The following KIF1A variants were observed in gnomAD, a reference collection of about 807,000 sequenced individuals.
The protein encoded by KIF1A is kinesin-like protein KIF1A.
A neutral mutation model predicts 227.3 loss-of-function variants in KIF1A; 46 were observed. That is an observed-to-expected ratio of 0.20 (90% CI 0.16 to 0.26). The LOEUF (loss-of-function observed/expected upper bound fraction) is 0.26, where lower values mean the gene tolerates loss of function less well. Among genes scored for constraint, KIF1A ranks in the 10% least tolerant of loss-of-function variants. KIF1A has a pLI of 1.00. For synonymous variants in KIF1A, 1,022 were observed against 1,012.8 expected (o/e 1.01, Z -0.17); for missense variants, 1,683 against 2,485.9 (o/e 0.68, Z 6.87).
chr2:240,772,620 G>C, intron 13 of KIF1A, 24 bp from the exon 14 acceptor site: 1 of 1,523,084 alleles, frequency 6.6e-7, no homozygotes, highest in African/African-American at 1.4e-5. Context: ...AAGCGTGGGG[G>C]AGGGGGAGAG....
chr2:240,718,684 G>A (rs182054187), intron 47 of KIF1A, among the ~76,000 whole-genome samples: 2 of 152,346 alleles, frequency 1.3e-5, no homozygotes, highest in East Asian at 3.9e-4. Context: ...TGCAGGGCTG[G>A]TGCCACCCAC....
In KIF1A at chr2:240,717,192, G is replaced by A; in HGVS notation, c.*172C>T. 1 of 589,830 alleles carries A rather than the reference G, an allele frequency of 1.7e-6. No homozygotes were observed. The highest frequency in any genetic ancestry group is 3.0e-6 in the Non-Finnish European group (1 of 331,302). 36.5% of individuals were successfully genotyped at this position (589,830 alleles called of 1,614,324 possible). ...CTGACACGCACAGCCTCTGCTGGGA[G>A]CACAGCTGGTCGTGTGGCACAGGTC... On this transcript the variant is annotated 3_prime_UTR_variant, in exon 49 of 49. Coordinates refer to ENST00000498729, the MANE Select transcript of KIF1A (RefSeq NM_001244008.2).
At position 240,741,347 on chromosome 2, in the gene KIF1A, C is replaced by T. The variant is rs375993206; in HGVS notation, c.3671G>A (p.Arg1224Gln). The T allele has an allele frequency of 7.6e-5, 120 of 1,588,090 alleles. No homozygotes were observed. Among genetic ancestry groups the T allele is most frequent in the African/African-American group, 2.4e-4 (18 of 74,600 alleles). The change falls in exon 35 of 49, where the codon CGG becomes CAG. Residue 1224 changes from arginine (R) to glutamine (Q), a missense_variant. Coordinates refer to ENST00000498729, the MANE Select transcript of KIF1A (RefSeq NM_001244008.2). ...VPATKLSTLT[R>Q]PCPGPCHCKY... Reference sequence around the variant, plus strand: ...GCAGTGGCAGGGTCCCGGACAGGGCCGCGTCAGTGTGCTGAGCTTGGTGGC... The same window carrying T: ...GCAGTGGCAGGGTCCCGGACAGGGCTGCGTCAGTGTGCTGAGCTTGGTGGC...
In KIF1A at chr2:240,717,279, A is replaced by G; in HGVS notation, c.*85T>C. 2 of 1,334,824 alleles carry G rather than the reference A, an allele frequency of 1.5e-6. No homozygotes were observed. Among genetic ancestry groups the G allele is most frequent in the Non-Finnish European group, 1.1e-6 (1 of 942,182 alleles). 82.7% of individuals were successfully genotyped at this position (1,334,824 alleles called of 1,614,324 possible). A position where few individuals can be genotyped will look rare whatever the true frequency, so the allele number is the denominator to read the frequency against. On this transcript the variant is annotated 3_prime_UTR_variant, in exon 49 of 49. Transcript: ENST00000498729. ...CCGGTCGTGGGCTGTCTGGCAGGAG[A>G]GGGGCTGGGCGGCAGGTGACAGGAC... is the stretch of plus-strand genomic sequence containing the variant.
intron 29 of KIF1A, 38 bp downstream of exon 29, chr2:240,747,198 G>T: frequency 6.6e-7 from 1 of 1,506,910 alleles, no homozygotes; most frequent in Non-Finnish European, 9.2e-7. Context: ...TGAGCGCCAG[G>T]CACCTCCAGG....
chr2:240,745,022 T>G (rs1029714939), intron 32 of KIF1A, among the ~76,000 whole-genome samples: 2 of 151,082 alleles, frequency 1.3e-5, no homozygotes, highest in Admixed American at 6.6e-5. Flanking sequence ...CTGCCTGGAG[T>G]TTTCCAGACC....
rs745467145 is a variant in KIF1A at position 240,737,204 on chromosome 2, A to AG, written c.3902-37dup. The AG allele has an allele frequency of 7.9e-5, 124 of 1,578,800 alleles. 1 individual carries two copies. The highest frequency in any genetic ancestry group is 1.7e-4 in the Middle Eastern group (1 of 5,978). On this transcript the variant is annotated intron_variant, in intron 37 of 48. Transcript: ENST00000498729. ...GGCAACGGGCCACAGGTCACTTCCC[A>AG]GGGGGCAGGTGGGACCCTGGGGGGC... is the stretch of plus-strand genomic sequence containing the variant.
rs374737084 is a variant in KIF1A, at chr2:240,775,134, G to A, written c.958+717C>T. ...CTCTCTCAGCGGGGCCCATCCATCC[G>A]CAGGCCTGCTGCGGTCTGCAATACT... On this transcript the variant is annotated intron_variant, in intron 11 of 48. Transcript: ENST00000498729. This position sits in a 1 kb window ranked among gnomAD's most constrained non-coding sequence, Gnocchi z 5.5. Among the ~76,000 whole-genome samples, 13 of 152,186 alleles carry A rather than the reference G, an allele frequency of 8.5e-5. No homozygotes were observed. Among genetic ancestry groups the A allele is most frequent in the Non-Finnish European group, 1.8e-4 (12 of 68,040 alleles).
At chr2:240,743,632 G>C (rs1043292343) in intron 33 of KIF1A, among the ~76,000 whole-genome samples, 16 of 152,238 alleles carry the variant, frequency 1.1e-4, no homozygotes, top group African/African-American at 3.9e-4. Context: ...GGCAGCAGAA[G>C]TGGTCTCCCC....
At position 240,717,376 on chromosome 2, in the gene KIF1A, C is replaced by T; in HGVS notation, c.5364G>A (p.Gln1788=). The change falls in exon 49 of 49, where the codon CAG becomes CAA. Residue 1788 remains glutamine, a synonymous_variant. Transcript: ENST00000498729. ...GGAGGGCTCAGGTTCAGACCCGCAT[C>T]TGGGCAGACCTCCTTCTGGAGAGCT... ...RSKLSRRRSA[Q]MRV The T allele has an allele frequency of 6.2e-7, 1 of 1,611,988 alleles. No individual in the cohort carries two copies. The highest frequency in any genetic ancestry group is 8.5e-7 in the Non-Finnish European group (1 of 1,179,650).
At position 240,728,505 on chromosome 2, in the gene KIF1A, CTT is replaced by C. The variant is rs960908471; in HGVS notation, c.4008-1567_4008-1566del. The C allele has an allele frequency of 1.3e-5, 11 of 848,464 alleles. No homozygotes were observed. In the African/African-American group the frequency reaches 1.4e-4, roughly 11 times the overall value. The allele number at this position is 848,464 out of a possible 1,614,324, so 52.6% of individuals were successfully genotyped here. On this transcript the variant is annotated intron_variant, in intron 38 of 48. Transcript: ENST00000498729. ...CCGGCACAAGGCCCAGGGCAGAAAA[CTT>C]AAGAGTTCGGCAGGTGCACGCCGGA...
chr2:240,734,826 C>T lies in KIF1A; in HGVS notation c.4007+2237G>A, dbSNP rs533776195. The T allele has an allele frequency of 6.0e-5, 64 of 1,061,752 alleles. No homozygotes were observed. In the African/African-American group the frequency reaches 8.2e-4, roughly 14 times the overall value. 65.8% of individuals were successfully genotyped at this position (1,061,752 alleles called of 1,614,324 possible). On this transcript the variant is annotated intron_variant, in intron 38 of 48. Coordinates refer to ENST00000498729, the MANE Select transcript of KIF1A (RefSeq NM_001244008.2). Reference sequence around the variant, plus strand: ...GGGGTGGGGGACAGGCAGAGGGAAGCGGCCTGTGGCCACAGGCCCACTCTG... The same window carrying T: ...GGGGTGGGGGACAGGCAGAGGGAAGTGGCCTGTGGCCACAGGCCCACTCTG...
intron 1 of KIF1A, among the ~76,000 whole-genome samples, chr2:240,803,708 C>T (rs967766896): frequency 6.6e-6 from 1 of 152,106 alleles, no homozygotes; most frequent in East Asian, 1.9e-4. Flanking sequence ...AGAACAAGCA[C>T]ATTAATTAGT....
intron 27 of KIF1A, among the ~76,000 whole-genome samples, chr2:240,753,485 A>G (rs2049459748): frequency 6.6e-6 from 1 of 152,198 alleles, no homozygotes; most frequent in Non-Finnish European, 1.5e-5. Context: ...GTGCCCCACA[A>G]ATCAGACAGG....
In KIF1A at chr2:240,736,729, G is replaced by A. The variant is rs1025116329; in HGVS notation, c.4007+334C>T. Among the ~76,000 whole-genome samples, 7 of 152,194 alleles carry A rather than the reference G, an allele frequency of 4.6e-5. No individual in the cohort carries two copies. Among genetic ancestry groups the A allele is most frequent in the African/African-American group, 1.7e-4 (7 of 41,442 alleles). ...ACTCATCCACAGCAGCATGGTCCTT[G>A]GACATACAGCCACTTGTCCCCACAC... On this transcript the variant is annotated intron_variant, in intron 38 of 48. Transcript: ENST00000498729. This position sits in a 1 kb window ranked among gnomAD's most constrained non-coding sequence, Gnocchi z 4.7.
At chr2:240,731,964 G>A (rs1229018361) in intron 38 of KIF1A, among the ~76,000 whole-genome samples, 1 of 120,306 alleles carries the variant, frequency 8.3e-6, no homozygotes, top group Non-Finnish European at 1.8e-5. Context: ...GGAGACTAGG[G>A]GAGGAGACTA....
chr2:240,801,814 G>A (rs2056998791), intron 1 of KIF1A, among the ~76,000 whole-genome samples: 1 of 152,156 alleles, frequency 6.6e-6, no homozygotes, highest in Admixed American at 6.5e-5. Context: ...CCTTACTCTT[G>A]AGCTTCCCAG....
At chr2:240,795,783 C>T (rs2056316562) in intron 2 of KIF1A, among the ~76,000 whole-genome samples, 2 of 152,200 alleles carry the variant, frequency 1.3e-5, no homozygotes, top group Non-Finnish European at 2.9e-5. Flanking sequence ...CATTCCAACC[C>T]GCCCACCTGC....
At chr2:240,815,717 G>A (rs1211124048) in intron 1 of KIF1A, among the ~76,000 whole-genome samples, 1 of 152,172 alleles carries the variant, frequency 6.6e-6, no homozygotes, top group Non-Finnish European at 1.5e-5. Flanking sequence ...TGGGGGTGGA[G>A]GAGAAAGTGG....
Sources: allele counts gnomAD v4.1 joint callset (sites outside exome capture counted in the v4.1 genomes callset), GRCh38; gene constraint gnomAD v4.1.1; non-coding constraint Gnocchi (gnomAD v3.1); transcripts MANE v1.5; gene names NCBI Gene and HGNC (gene_info 2026-07-23, HGNC 2026-07-21).